MAPK11: variants seen among roughly 807,000 people sequenced by gnomAD.
MAPK11 encodes the protein MAP kinase 11.
MAPK11 carries 44 observed loss-of-function variants against 52.2 expected under a neutral mutation model. That is an observed-to-expected ratio of 0.84 (90% CI 0.66 to 1.08). MAPK11 has a LOEUF of 1.08. Ranked by LOEUF, MAPK11 falls within the 50% of genes least tolerant of loss-of-function variation. MAPK11 has a pLI of 0.00. For synonymous variants in MAPK11, 233 were observed against 206.3 expected (o/e 1.13, Z -1.11); for missense variants, 436 against 494.7 (o/e 0.88, Z 1.13).
intron 2 of MAPK11, 21 bp downstream of exon 2, chr22:50,267,799 C>T (rs1175040753): frequency 3.9e-6 from 6 of 1,521,776 alleles, no homozygotes; most frequent in Admixed American, 2.1e-5. Context: ...GCCCTCCCCC[C>T]ACGGCCCTCC....
At chr22:50,266,002 A>C (rs2065259447) in intron 9 of MAPK11, among the ~76,000 whole-genome samples, 1 of 151,368 alleles carries the variant, frequency 6.6e-6, no homozygotes, top group South Asian at 2.1e-4. Flanking sequence ...CTGGCCAGGC[A>C]CTGCTTGCTG....
chr22:50,267,373 TC>T lies in MAPK11; in HGVS notation c.414del (p.Lys139SerfsTer13). ...CCGCGAAGCCCAGGGCGCCCCACCTTCAGCCCGCGCAGCAGCTGGTAAACCA... is the reference window on the plus strand; with the variant it reads ...CCGCGAAGCCCAGGGCGCCCCACCTTAGCCCGCGCAGCAGCTGGTAAACCA... ...QFLVYQLLRG[L>X]KYIHSAGIIH... On this transcript the variant is annotated frameshift_variant, in exon 4 of 12. Coordinates refer to ENST00000330651, the MANE Select transcript of MAPK11 (RefSeq NM_002751.7). LOFTEE classifies it high-confidence loss of function. The T allele has an allele frequency of 6.3e-7, 1 of 1,590,562 alleles. No individual in the cohort carries two copies. Among genetic ancestry groups the T allele is most frequent in the South Asian group, 1.1e-5 (1 of 90,206 alleles).
Position 50,266,548 on chromosome 22 carries a change from C to A in MAPK11, c.674G>T (p.Gly225Val). Residue 225 changes from glycine (G) to valine (V), a missense_variant, in exon 8 of 12, where the codon GGA becomes GTA. By Grantham distance (109) the Gly-to-Val change is moderately radical. Coordinates refer to ENST00000330651, the MANE Select transcript of MAPK11 (RefSeq NM_002751.7). ...ACCTGGGCCAAGGATACAGTCGCTT[C>A]CCGGGAAGAGGGCCTTGCCCTGGAG... Reference protein sequence around the residue: ...ELLQGKALFPGSDYIDQLKRI... With the variant: ...ELLQGKALFPVSDYIDQLKRI... 1 of 1,518,404 alleles carries A rather than the reference C, an allele frequency of 6.6e-7. No individual in the cohort carries two copies. The highest frequency in any genetic ancestry group is 8.8e-7 in the Non-Finnish European group (1 of 1,134,528). The allele number at this position is 1,518,404 out of a possible 1,614,324, so 94.1% of individuals were successfully genotyped here.
At chr22:50,265,129 C>T in intron 11 of MAPK11, 102 bp from the exon 12 acceptor site, 1 of 1,174,794 alleles carries the variant, frequency 8.5e-7, no homozygotes, top group Non-Finnish European at 1.2e-6. Flanking sequence ...CACCCTGTGA[C>T]AGCAGCCTCA....
intron 9 of MAPK11, 60 bp from the exon 10 acceptor site, chr22:50,265,720 C>G: frequency 1.8e-6 from 2 of 1,112,992 alleles, no homozygotes; most frequent in Non-Finnish European, 2.6e-6. Context: ...TGGCCCCAAA[C>G]TGGGGCTTCT....
rs754232386 is a variant in MAPK11, at chr22:50,267,381, C to T, written c.407G>A (p.Arg136His). 1 of 1,609,788 alleles carries T rather than the reference C, an allele frequency of 6.2e-7. No homozygotes were observed. Among genetic ancestry groups the T allele is most frequent in the Non-Finnish European group, 8.5e-7 (1 of 1,178,616 alleles). Residue 136 changes from arginine to histidine, a missense_variant, in exon 4 of 12, where the codon CGC (arginine) becomes CAC (histidine). Arg to His is a conservative substitution (Grantham distance 29, BLOSUM62 0). Coordinates refer to ENST00000330651, the MANE Select transcript of MAPK11 (RefSeq NM_002751.7). ...CCCAGGGCGCCCCACCTTCAGCCCG[C>T]GCAGCAGCTGGTAAACCAGGAATTG... ...HVQFLVYQLL[R>H]GLKYIHSAGI...
Position 50,265,270 on chromosome 22 carries a change from A to T in MAPK11, c.1015+51T>A, listed in dbSNP as rs750477781. The stretch of plus-strand genomic sequence containing the variant: ...ACTGGGGCATTTCCTGCCTCTGGGG[A>T]AATGGAGCCCGCAGGCCCCTGGACC... On this transcript the variant is annotated intron_variant, in intron 11 of 11. Coordinates refer to ENST00000330651, the MANE Select transcript of MAPK11 (RefSeq NM_002751.7). The T allele has an allele frequency of 6.9e-6, 11 of 1,596,304 alleles. No homozygotes were observed. In the East Asian group the frequency reaches 2.5e-4, roughly 36 times the overall value.
At chr22:50,269,607 C>T (rs1459422631) in intron 1 of MAPK11, among the ~76,000 whole-genome samples, 1 of 151,964 alleles carries the variant, frequency 6.6e-6, no homozygotes, top group Non-Finnish European at 1.5e-5. Flanking sequence ...CTCCCCCACC[C>T]AGACTCTGTC....
At chr22:50,266,774 C>T (rs557274380) in intron 7 of MAPK11, 160 bp downstream of exon 7, 162 of 948,350 alleles carry the variant, frequency 1.7e-4, no homozygotes, top group Non-Finnish European at 2.4e-4. Flanking sequence ...CAGAGGAGGC[C>T]AGCACCCATC....
chr22:50,268,660 C>G (rs899550816), intron 1 of MAPK11, among the ~76,000 whole-genome samples: 1 of 152,148 alleles, frequency 6.6e-6, no homozygotes, highest in African/African-American at 2.4e-5. Flanking sequence ...CTGCCCTCAG[C>G]CCTGCTAAAG....
At position 50,267,485 on chromosome 22, in the gene MAPK11, G is replaced by A; in HGVS notation, c.306-3C>T. On this transcript the variant is annotated splice_region_variant and splice_polypyrimidine_tract_variant and intron_variant, in intron 3 of 11. Coordinates refer to ENST00000330651, the MANE Select transcript of MAPK11 (RefSeq NM_002751.7). ...CCATCAGGGTGGTCACCAAGTACCT[G>A]GGGCGGGGTCAGGGGGTCAGGACAG... 6.2e-7 allele frequency: 1 copy of A among 1,602,316 alleles called. No individual in the cohort carries two copies. Among genetic ancestry groups the A allele is most frequent in the East Asian group, 2.2e-5 (1 of 44,544 alleles).
At chr22:50,265,518 AG>A (rs753670119) in intron 10 of MAPK11, 24 bp from the exon 11 acceptor site, 43 of 1,612,670 alleles carry the variant, frequency 2.7e-5, no homozygotes, top group Non-Finnish European at 3.3e-5. Flanking sequence ...AGTGGTGGGG[AG>A]GGGGGTCAGC....
chr22:50,266,727 A>AC, intron 7 of MAPK11, 116 bp from the exon 8 acceptor site: 2 of 1,073,566 alleles, frequency 1.9e-6, no homozygotes, highest in Non-Finnish European at 2.8e-6. Context: ...GCCATACCCA[A>AC]CCCCCCTAGG....
At chr22:50,266,402 TAGGTG>T (rs2065262287) in intron 8 of MAPK11, 97 bp from the exon 9 acceptor site, 2 of 1,403,604 alleles carry the variant, frequency 1.4e-6, no homozygotes, top group East Asian at 4.7e-5. Flanking sequence ...CGCTCTCCTA[TAGGTG>T]AGGATGGCCA....
chr22:50,265,646 G>C lies in MAPK11; in HGVS notation c.777C>G (p.Ile259Met), dbSNP rs62241160. The change falls in exon 10 of 12, where the codon ATC (isoleucine) becomes ATG (methionine). Residue 259 changes from isoleucine to methionine, a missense_variant. By Grantham distance (10) the Ile-to-Met change is conservative (BLOSUM62 1). Coordinates refer to ENST00000330651, the MANE Select transcript of MAPK11 (RefSeq NM_002751.7). ...KISSEHARTYIQSLPPMPQKD... is the reference protein window; with the variant it reads ...KISSEHARTYMQSLPPMPQKD... ...TCTGGGGCATGGGGGGCAGGGACTG[G>C]ATATATGTCCGGGCCTGGGGGCACA... The C allele has an allele frequency of 8.8e-6, 14 of 1,584,630 alleles. No individual in the cohort carries two copies. The highest frequency in any genetic ancestry group is 1.1e-5 in the Non-Finnish European group (13 of 1,162,906).
chr22:50,267,404 T>C lies in MAPK11; in HGVS notation c.384A>G (p.Gln128=). 6.3e-7 allele frequency: 1 copy of C among 1,592,156 alleles called. No individual in the cohort carries two copies. The highest frequency in any genetic ancestry group is 8.6e-7 in the Non-Finnish European group (1 of 1,168,108). Reference sequence around the variant, plus strand: ...CGCGCAGCAGCTGGTAAACCAGGAATTGAACGTGCTCGTCGCTCAGCGCCT... The same window carrying C: ...CGCGCAGCAGCTGGTAAACCAGGAACTGAACGTGCTCGTCGCTCAGCGCCT... ...KCQALSDEHV[Q]FLVYQLLRGL... The change falls in exon 4 of 12, where the codon CAA becomes CAG. Residue 128 remains glutamine (Q), a synonymous_variant. Transcript: ENST00000330651.
At position 50,267,089 on chromosome 22, in the gene MAPK11, C is replaced by T. The variant is rs2065269143; in HGVS notation, c.495+38G>A. The T allele has an allele frequency of 2.5e-6, 4 of 1,611,150 alleles. No homozygotes were observed. In the East Asian group the frequency reaches 6.7e-5, roughly 27 times the overall value. On this transcript the variant is annotated intron_variant, in intron 6 of 11. Transcript: ENST00000330651. ...GGTGTTCTCAAGCTCCGCACGGGCT[C>T]CGCCGCCGCCCTGCCCACCCCTGCC...
rs2065295507 is a variant in MAPK11 at position 50,270,016 on chromosome 22, C to T, written c.116+161G>A. Among the ~76,000 whole-genome samples, 1 of 152,012 alleles carries T rather than the reference C, an allele frequency of 6.6e-6. No homozygotes were observed. Among genetic ancestry groups the T allele is most frequent in the African/African-American group, 2.4e-5 (1 of 41,410 alleles). ...TGCTTGGAAAGTTTCTTTACGCCGC[C>T]ACCCCCGCCCCCCCATTCATTCCTC... On this transcript the variant is annotated intron_variant, in intron 1 of 11. Transcript: ENST00000330651. The surrounding 1 kb of genome is among the most constrained non-coding windows in gnomAD (Gnocchi z 6.3).
In MAPK11 at chr22:50,265,514, G is replaced by A. The variant is rs2065255286; in HGVS notation, c.842-20C>T. On this transcript the variant is annotated intron_variant, in intron 10 of 11. Transcript: ENST00000330651. ...CTATGGCTGCAGGGAAGCCAGTGGT[G>A]GGGAGGGGGGTCAGCTGTACATCCA... The A allele has an allele frequency of 6.2e-7, 1 of 1,613,016 alleles. No homozygotes were observed.
Sources: allele counts gnomAD v4.1 joint callset (sites outside exome capture counted in the v4.1 genomes callset), GRCh38; gene constraint gnomAD v4.1.1; non-coding constraint Gnocchi (gnomAD v3.1); transcripts MANE v1.5; gene names NCBI Gene and HGNC (gene_info 2026-07-23, HGNC 2026-07-21).